TRIM27: variants seen among roughly 807,000 people sequenced by gnomAD.
TRIM27 encodes zinc finger protein RFP.
A neutral mutation model predicts 57.6 loss-of-function variants in TRIM27; 12 were observed. That is an observed-to-expected ratio of 0.21 (90% CI 0.13 to 0.34). TRIM27 has a LOEUF of 0.34. Among genes scored for constraint, TRIM27 ranks in the 10% least tolerant of loss-of-function variants. The pLI, the probability that TRIM27 is intolerant of heterozygous loss-of-function variation, is 1.00. For synonymous variants in TRIM27, 266 were observed against 259.0 expected (o/e 1.03, Z -0.26); for missense variants, 403 against 656.8 (o/e 0.61, Z 4.22).
At chr6:28,912,035 C>G (rs933019045) in intron 3 of TRIM27, among the ~76,000 whole-genome samples, 4 of 151,918 alleles carry the variant, frequency 2.6e-5, no homozygotes, top group African/African-American at 9.7e-5. Context: ...ACCTGTCCAG[C>G]TTGCTTTCTT....
At chr6:28,911,539 C>T in intron 4 of TRIM27, 157 bp downstream of exon 4, 1 of 712,206 alleles carries the variant, frequency 1.4e-6, no homozygotes, top group Non-Finnish European at 2.3e-6. Context: ...AGCTGTGGTT[C>T]ATCTAATTCT....
chr6:28,904,200 C>T lies in TRIM27; in HGVS notation c.1412G>A (p.Arg471Gln), dbSNP rs752632806. 2 of 1,613,052 alleles carry T rather than the reference C, an allele frequency of 1.2e-6. No individual in the cohort carries two copies. Among genetic ancestry groups the T allele is most frequent in the Non-Finnish European group, 8.5e-7 (1 of 1,180,040 alleles). Residue 471 changes from arginine (R) to glutamine (Q), a missense_variant, in exon 8 of 8, where the codon CGG (arginine) becomes CAG (glutamine). Arg to Gln is a conservative substitution (Grantham distance 43, BLOSUM62 1). Coordinates refer to ENST00000377199, the MANE Select transcript of TRIM27 (RefSeq NM_006510.5). The surrounding 1 kb of genome is among the most constrained non-coding windows in gnomAD (Gnocchi z 6.1). ...FSHATFCGPV[R>Q]PYFSLSYSGG... Reference sequence around the variant, plus strand: ...CGAGTAACTCAGACTGAAGTAGGGCCGGACAGGCCCACAAAAGGTAGCATG... The same window carrying T: ...CGAGTAACTCAGACTGAAGTAGGGCTGGACAGGCCCACAAAAGGTAGCATG...
intron 7 of TRIM27, 63 bp downstream of exon 7, chr6:28,907,173 G>T: frequency 7.0e-7 from 1 of 1,438,788 alleles, no homozygotes; most frequent in Non-Finnish European, 9.6e-7. Context: ...ATTCATAATA[G>T]TAGTTAGGTT....
chr6:28,914,023 GTT>G (rs796375490), intron 3 of TRIM27, among the ~76,000 whole-genome samples: 6 of 110,488 alleles, frequency 5.4e-5, no homozygotes, highest in Admixed American at 9.5e-5. Context: ...GCCTACCTAT[GTT>G]TTTTTTTTTT....
intron 4 of TRIM27, 115 bp from the exon 5 acceptor site, chr6:28,909,203 G>A (rs1772996899): frequency 1.4e-6 from 1 of 691,628 alleles, no homozygotes; most frequent in Admixed American, 2.6e-5. Context: ...TGCCTCCCAG[G>A]TTCAAGCGAT....
rs771075640 is a variant in TRIM27 at position 28,904,596 on chromosome 6, C to A, written c.1016G>T (p.Arg339Leu). The A allele has an allele frequency of 6.2e-7, 1 of 1,605,366 alleles. No individual in the cohort carries two copies. The change falls in exon 8 of 8, where the codon CGG (arginine) becomes CTG (leucine). Residue 339 changes from arginine to leucine, a missense_variant. Physicochemically the swap from Arg to Leu is moderately radical, Grantham distance 102. Transcript: ENST00000377199. The surrounding 1 kb of genome is among the most constrained non-coding windows in gnomAD (Gnocchi z 6.1). ...CAGGTCCTGTTGGAGGTAACTGTACCGCACTTGCCGCAGATTATCAGAGAG... is the reference window on the plus strand; with the variant it reads ...CAGGTCCTGTTGGAGGTAACTGTACAGCACTTGCCGCAGATTATCAGAGAG... ...LILSDNLRQV[R>L]YSYLQQDLPD...
chr6:28,913,589 G>A (rs1035307020), intron 3 of TRIM27, among the ~76,000 whole-genome samples: 5 of 151,986 alleles, frequency 3.3e-5, no homozygotes, highest in South Asian at 2.1e-4. Flanking sequence ...GTGTCTCTCC[G>A]ACACTTCGTC....
At chr6:28,919,378 A>G (rs1773857460) in intron 3 of TRIM27, among the ~76,000 whole-genome samples, 1 of 152,208 alleles carries the variant, frequency 6.6e-6, no homozygotes, top group South Asian at 2.1e-4. Flanking sequence ...ACACTAAAAT[A>G]TAATTCAGGA....
chr6:28,913,826 G>C (rs986555584), intron 3 of TRIM27, among the ~76,000 whole-genome samples: 15 of 151,722 alleles, frequency 9.9e-5, no homozygotes, highest in Admixed American at 7.2e-4. Flanking sequence ...TTTTATATTA[G>C]AACTATCACT....
At chr6:28,905,489 G>T (rs915225271) in intron 7 of TRIM27, 3 of 152,188 alleles carry the variant, frequency 2.0e-5, no homozygotes, top group Non-Finnish European at 2.9e-5. Context: ...TTTTAGAACT[G>T]TGGGTAAGGG....
At chr6:28,921,531 G>T (rs1774033413) in intron 2 of TRIM27, among the ~76,000 whole-genome samples, 1 of 152,188 alleles carries the variant, frequency 6.6e-6, no homozygotes, top group African/African-American at 2.4e-5. Flanking sequence ...AAGCAACAGT[G>T]GGGATTACAC....
chr6:28,923,135 G>A (rs1319466636), intron 1 of TRIM27, 78 bp downstream of exon 1: 2 of 1,422,256 alleles, frequency 1.4e-6, no homozygotes, highest in Non-Finnish European at 1.9e-6. Flanking sequence ...TTTTCTAGGC[G>A]GAAAAAAGGA....
Position 28,923,862 on chromosome 6 carries a change from C to T in TRIM27, c.-230G>A, listed in dbSNP as rs753984651. 22 of 508,720 alleles carry T rather than the reference C, an allele frequency of 4.3e-5. No homozygotes were observed. Among genetic ancestry groups the T allele is most frequent in the Non-Finnish European group, 4.4e-5 (13 of 293,380 alleles). 31.5% of individuals were successfully genotyped at this position (508,720 alleles called of 1,614,324 possible). ...AGCGAGAGCGGGAATACGGCCGGCT[C>T]ACCGAGGCTCGCGGCCACGCTAGTG... On this transcript the variant is annotated 5_prime_UTR_variant, in exon 1 of 8. Coordinates refer to ENST00000377199, the MANE Select transcript of TRIM27 (RefSeq NM_006510.5).
chr6:28,914,125 G>T (rs1299704764), intron 3 of TRIM27, among the ~76,000 whole-genome samples: 3 of 145,164 alleles, frequency 2.1e-5, no homozygotes, highest in Non-Finnish European at 3.0e-5. Flanking sequence ...GGGCTCTAGT[G>T]ATCTATCCCA....
At position 28,903,237 on chromosome 6, in the gene TRIM27, A is replaced by G. The variant is rs186938612; in HGVS notation, c.*833T>C. 2.3e-4 allele frequency: 54 copies of G among 233,050 alleles called. No homozygotes were observed. In the East Asian group the frequency reaches 3.2e-3, roughly 14 times the overall value. 14.4% of individuals were successfully genotyped at this position (233,050 alleles called of 1,614,324 possible). ...GAGAAAAGGAGCCAAGAAGTCAATG[A>G]ATCCCTGGAATATTGTCCCAGAATC... On this transcript the variant is annotated 3_prime_UTR_variant, in exon 8 of 8. Transcript: ENST00000377199.
chr6:28,922,940 G>A (rs938854874), intron 1 of TRIM27, among the ~76,000 whole-genome samples: 5 of 152,144 alleles, frequency 3.3e-5, no homozygotes, highest in African/African-American at 1.2e-4. Flanking sequence ...CTGTCAAAAG[G>A]ATGTCTCCGT....
At position 28,904,081 on chromosome 6, in the gene TRIM27, T is replaced by A; in HGVS notation, c.1531A>T (p.Thr511Ser). ...CTGAATTCACCTCCTCAAGGGGAGGTCTCCATGGAATGACCATGATTCCCA... is the reference window on the plus strand; with the variant it reads ...CTGAATTCACCTCCTCAAGGGGAGGACTCCATGGAATGACCATGATTCCCA... ...HVGNHGHSMETSP is the reference protein window; with the variant it reads ...HVGNHGHSMESSP Residue 511 changes from threonine (T) to serine (S), a missense_variant, in exon 8 of 8, where the codon ACC (threonine) becomes TCC (serine). Transcript: ENST00000377199. The surrounding 1 kb of genome is among the most constrained non-coding windows in gnomAD (Gnocchi z 6.1). 6.2e-7 allele frequency: 1 copy of A among 1,611,346 alleles called. No homozygotes were observed. The highest frequency in any genetic ancestry group is 1.1e-5 in the South Asian group (1 of 90,988).
chr6:28,923,162 TCCTC>T, intron 1 of TRIM27, 47 bp downstream of exon 1: 1 of 1,488,876 alleles, frequency 6.7e-7, no homozygotes, highest in South Asian at 1.3e-5. Context: ...TTTGGCTCTC[TCCTC>T]CCTTTGTCCG....
chr6:28,916,166 T>C (rs3131098), intron 3 of TRIM27, among the ~76,000 whole-genome samples: 70,727 of 151,774 alleles, frequency 0.47, 17,489 homozygotes, highest in African/African-American at 0.63. Context: ...CTGCCCACCT[T>C]GGCCTCCTGA....
Sources: allele counts gnomAD v4.1 joint callset (sites outside exome capture counted in the v4.1 genomes callset), GRCh38; gene constraint gnomAD v4.1.1; non-coding constraint Gnocchi (gnomAD v3.1); transcripts MANE v1.5; gene names NCBI Gene and HGNC (gene_info 2026-07-23, HGNC 2026-07-21).